The following INTS4 variants were observed in gnomAD, a reference collection of about 807,000 sequenced individuals.
The protein encoded by INTS4 is MSTP093.
In INTS4, 70 loss-of-function variants were observed where a neutral mutation model predicts 119.5. The ratio of observed to expected loss-of-function variants is 0.59; its 90% CI spans 0.48 to 0.71. The LOEUF is 0.71. INTS4 is among the 30% of genes least tolerant of loss of function. The pLI is 0.00. For missense variants in INTS4, 867 were observed against 1,173.2 expected (o/e 0.74, Z 3.81); for synonymous variants, 316 against 419.6 (o/e 0.75, Z 3.02).
At chr11:77,878,669 G>A (rs1951675004), downstream of INTS4, 1 of 662,602 alleles carries the variant, frequency 1.5e-6, no homozygotes, top group South Asian at 1.7e-5. Flanking sequence ...TAGTATAAAA[G>A]CTGAAGCTAT....
intron 4 of INTS4, among the ~76,000 whole-genome samples, chr11:77,972,466 G>C (rs993344184): frequency 2.6e-5 from 4 of 151,650 alleles, no homozygotes; most frequent in African/African-American, 9.7e-5. Context: ...GCCCAGGTTG[G>C]AGTGTGGTGG....
intron 22 of INTS4, among the ~76,000 whole-genome samples, chr11:77,879,585 G>A (rs778164256): frequency 6.6e-6 from 1 of 152,162 alleles, no homozygotes; most frequent in Non-Finnish European, 1.5e-5. Flanking sequence ...TGAATAGGAA[G>A]TGGTTCGCCA....
At chr11:77,954,848 C>A (rs582582) in intron 8 of INTS4, among the ~76,000 whole-genome samples, 28,419 of 151,976 alleles carry the variant, frequency 0.19, 2,744 homozygotes, top group Middle Eastern at 0.23. Context: ...GGTCCACAGC[C>A]TGGGGGTTTG....
chr11:77,982,949 T>C (rs530687797), intron 2 of INTS4, among the ~76,000 whole-genome samples: 2 of 152,324 alleles, frequency 1.3e-5, no homozygotes, highest in African/African-American at 4.8e-5. Context: ...AATCCTGGCA[T>C]GCTATGCCAC....
intron 18 of INTS4, among the ~76,000 whole-genome samples, chr11:77,895,965 A>C (rs1591023358): frequency 1.3e-5 from 2 of 152,222 alleles, no homozygotes; most frequent in African/African-American, 4.8e-5. Context: ...ACCAATTTAA[A>C]CTAGTCTAGA....
chr11:77,884,808 G>A (rs989977583), intron 21 of INTS4: 3 of 408,492 alleles, frequency 7.3e-6, no homozygotes, highest in Middle Eastern at 3.5e-4. Context: ...AGGCTGGAGT[G>A]CAGTGGCACG....
intron 12 of INTS4, among the ~76,000 whole-genome samples, chr11:77,923,882 C>T (rs1370346127): frequency 1.5e-4 from 22 of 150,262 alleles, no homozygotes; most frequent in African/African-American, 4.6e-4. Context: ...CTCCTGCCTT[C>T]GCCTCCCAAG....
chr11:77,992,633 T>C (rs1460693187), intron 1 of INTS4, among the ~76,000 whole-genome samples: 1 of 152,196 alleles, frequency 6.6e-6, no homozygotes, highest in Non-Finnish European at 1.5e-5. Flanking sequence ...CACATTTCTA[T>C]AGAAAAGAGA....
At chr11:77,879,973 C>T (rs1215315047) in intron 22 of INTS4, among the ~76,000 whole-genome samples, 8 of 152,096 alleles carry the variant, frequency 5.3e-5, no homozygotes, top group Non-Finnish European at 1.2e-4. Context: ...TCAGAGACTC[C>T]CCAGATGCAC....
intron 8 of INTS4, among the ~76,000 whole-genome samples, chr11:77,944,787 A>C (rs1308369834): frequency 1.3e-5 from 2 of 152,230 alleles, no homozygotes; most frequent in Admixed American, 1.3e-4. Flanking sequence ...TTTGGAGCAT[A>C]TTTCAGATTT....
intron 16 of INTS4, among the ~76,000 whole-genome samples, chr11:77,906,620 C>T (rs895416104): frequency 1.3e-5 from 2 of 152,144 alleles, no homozygotes; most frequent in Non-Finnish European, 2.9e-5. Context: ...CAGATATATA[C>T]ATTAGAAAGA....
chr11:77,983,621 C>G (rs1439930400), intron 2 of INTS4, among the ~76,000 whole-genome samples: 1 of 152,080 alleles, frequency 6.6e-6, no homozygotes, highest in Non-Finnish European at 1.5e-5. Context: ...CAAATCAAAA[C>G]TACAATGAGA....
intron 4 of INTS4, among the ~76,000 whole-genome samples, chr11:77,961,422 C>A (rs1018641325): frequency 5.9e-5 from 9 of 152,076 alleles, no homozygotes; most frequent in Admixed American, 3.3e-4. Context: ...AGAGTAGGTA[C>A]TTTAAAATTC....
Position 77,928,368 on chromosome 11 carries a change from G to C in INTS4, c.1345C>G (p.Leu449Val), listed in dbSNP as rs1176537751. The change falls in exon 11 of 23, where the codon CTT becomes GTT. Residue 449 changes from leucine (L) to valine (V), a missense_variant. By Grantham distance (32) the Leu-to-Val change is conservative. Around this residue, in one of 5 missense-constraint regions of INTS4, gnomAD observed 51 missense variants for 125.5 expected, o/e 0.41. Transcript: ENST00000534064. ...TCTAGCACAGCCAGGACAGTGTCAA[G>C]CTGATCTTCTCGGAGGGTGATGTTG... is the stretch of plus-strand genomic sequence containing the variant. ...SNNITLREDQ[L>V]DTVLAVLEDS... 15 of 1,613,202 alleles carry C rather than the reference G, an allele frequency of 9.3e-6. No homozygotes were observed. Among genetic ancestry groups the C allele is most frequent in the Non-Finnish European group, 1.3e-5 (15 of 1,179,570 alleles).
chr11:77,948,090 C>T (rs1368930103), intron 8 of INTS4, among the ~76,000 whole-genome samples: 1 of 152,102 alleles, frequency 6.6e-6, no homozygotes, highest in African/African-American at 2.4e-5. Context: ...CTCAAGTGAT[C>T]TGCCTGCCTC....
chr11:77,935,448 C>T (rs1264691551), intron 10 of INTS4, among the ~76,000 whole-genome samples: 1 of 152,148 alleles, frequency 6.6e-6, no homozygotes, highest in Non-Finnish European at 1.5e-5. Context: ...AGACAGAGAG[C>T]TTGGGAGATC....
intron 22 of INTS4, among the ~76,000 whole-genome samples, chr11:77,883,225 C>A (rs1951862224): frequency 6.6e-6 from 1 of 152,110 alleles, no homozygotes; most frequent in South Asian, 2.1e-4. Context: ...TGAACCATCT[C>A]CAATTATTTG....
chr11:77,933,592 C>T (rs1953713954), intron 10 of INTS4, among the ~76,000 whole-genome samples: 1 of 152,148 alleles, frequency 6.6e-6, no homozygotes, highest in Non-Finnish European at 1.5e-5. Context: ...ACCTCCCAGC[C>T]GCCTGCCCTG....
intron 1 of INTS4, among the ~76,000 whole-genome samples, chr11:77,994,187 A>T (rs1307237766): frequency 6.6e-6 from 1 of 151,648 alleles, no homozygotes; most frequent in Non-Finnish European, 1.5e-5. Flanking sequence ...TTTTTTTGGA[A>T]CGGGGGTGCG....
Sources: gnomAD v4.1 joint callset for allele counts (sites outside exome capture counted in the v4.1 genomes callset) on GRCh38, gnomAD v4.1.1 for gene constraint, gnomAD v4.1.1 regional missense constraint, MANE v1.5 for transcripts, NCBI Gene and HGNC (gene_info 2026-07-23, HGNC 2026-07-21) for gene names.